The following TSHZ2 variants were observed in gnomAD, a reference collection of about 807,000 sequenced individuals.
TSHZ2 encodes the protein teashirt zinc finger homeobox 2.
Under a neutral mutation model 74.4 loss-of-function variants are expected in TSHZ2, and 21 were observed. The observed-to-expected ratio is 0.28, with a 90% CI of 0.20 to 0.41. The LOEUF (loss-of-function observed/expected upper bound fraction) is 0.41, where lower values mean the gene tolerates loss of function less well. Ranked by LOEUF, TSHZ2 falls within the 10% of genes least tolerant of loss-of-function variation. The pLI, the probability that TSHZ2 is intolerant of heterozygous loss-of-function variation, is 1.00. For synonymous variants in TSHZ2, 540 were observed against 515.3 expected (o/e 1.05, Z -0.65); for missense variants, 1,244 against 1,293.5 (o/e 0.96, Z 0.59).
At chr20:53,347,485 T>C (rs533694582) in intron 2 of TSHZ2, among the ~76,000 whole-genome samples, 1 of 152,038 alleles carries the variant, frequency 6.6e-6, no homozygotes, top group Non-Finnish European at 1.5e-5. Context: ...AGCAGACAAG[T>C]CCTTATCCAC....
chr20:53,008,308 G>C (rs1023220248), intron 1 of TSHZ2, among the ~76,000 whole-genome samples: 9 of 152,142 alleles, frequency 5.9e-5, no homozygotes, highest in African/African-American at 2.2e-4. Context: ...TTAAGCCTGT[G>C]GTTAATTCAT....
chr20:53,256,428 A>G lies in TSHZ2; in HGVS notation c.2970A>G (p.Thr990=). Residue 990 remains threonine (T), a synonymous_variant, in exon 2 of 3, where the codon ACA becomes ACG. Transcript: ENST00000371497. The surrounding 1 kb of genome is among the most constrained non-coding windows in gnomAD (Gnocchi z 4.3). Reference sequence around the variant, plus strand: ...AAACAATAGCTGCCGAAGAGGACACAGACTCTAAATTCAAGTGTAAGTTGT... The same window carrying G: ...AAACAATAGCTGCCGAAGAGGACACGGACTCTAAATTCAAGTGTAAGTTGT... The part of the protein sequence containing the change: ...SPETIAAEED[T]DSKFKCKLCC... The G allele has an allele frequency of 6.2e-7, 1 of 1,614,196 alleles. No homozygotes were observed. Among genetic ancestry groups the G allele is most frequent in the Non-Finnish European group, 8.5e-7 (1 of 1,179,990 alleles).
intron 2 of TSHZ2, among the ~76,000 whole-genome samples, chr20:53,452,599 A>G (rs1264055472): frequency 3.4e-5 from 1 of 29,676 alleles, no homozygotes; most frequent in Non-Finnish European, 5.8e-5. Context: ...ACTCTGTCTC[A>G]AAAAAAAAAA....
At chr20:53,486,725 GTACATGTGCAGTTTGT>G (rs1986298230) in intron 2 of TSHZ2, among the ~76,000 whole-genome samples, 1 of 152,168 alleles carries the variant, frequency 6.6e-6, no homozygotes, top group Non-Finnish European at 1.5e-5. Context: ...GATACAGAGG[GTACATGTGCAGTTTGT>G]TGCATGGGAA....
At chr20:53,164,565 A>G (rs1988023489) in intron 1 of TSHZ2, among the ~76,000 whole-genome samples, 1 of 152,224 alleles carries the variant, frequency 6.6e-6, no homozygotes, top group South Asian at 2.1e-4. Flanking sequence ...CACTAGTAGC[A>G]CTAGGCATCT....
intron 2 of TSHZ2, among the ~76,000 whole-genome samples, chr20:53,312,684 T>A (rs970147531): frequency 6.6e-6 from 1 of 152,168 alleles, no homozygotes; most frequent in South Asian, 2.1e-4. Flanking sequence ...TCCGAGTTCT[T>A]AATTAAGGGC....
intron 2 of TSHZ2, among the ~76,000 whole-genome samples, chr20:53,296,975 A>G (rs964133856): frequency 9.2e-5 from 14 of 152,342 alleles, no homozygotes; most frequent in African/African-American, 3.4e-4. Context: ...TTGATTTCCA[A>G]TCCATTTACC....
At chr20:53,037,238 A>G (rs1158975235) in intron 1 of TSHZ2, among the ~76,000 whole-genome samples, 2 of 152,186 alleles carry the variant, frequency 1.3e-5, no homozygotes, top group Non-Finnish European at 2.9e-5. Flanking sequence ...CAGGAAGCAG[A>G]GGCAGAAAGG....
chr20:53,093,232 A>G (rs1186969690), intron 1 of TSHZ2, among the ~76,000 whole-genome samples: 1 of 152,214 alleles, frequency 6.6e-6, no homozygotes, highest in Non-Finnish European at 1.5e-5. Flanking sequence ...TGATGAACAC[A>G]GACCTGACCC....
At chr20:53,210,367 A>C (rs187386818) in intron 1 of TSHZ2, among the ~76,000 whole-genome samples, 2 of 152,050 alleles carry the variant, frequency 1.3e-5, no homozygotes, top group East Asian at 1.9e-4. Context: ...AGGATGAATG[A>C]GGGATTTTAT....
At chr20:52,996,310 TA>T (rs1298558211) in intron 1 of TSHZ2, among the ~76,000 whole-genome samples, 5 of 58,642 alleles carry the variant, frequency 8.5e-5, no homozygotes, top group African/African-American at 1.5e-4. Context: ...TTCAGGTTTT[TA>T]TTTATTTATT....
intron 2 of TSHZ2, among the ~76,000 whole-genome samples, chr20:53,388,300 T>G (rs1035126864): frequency 1.3e-5 from 2 of 152,242 alleles, no homozygotes; most frequent in Non-Finnish European, 2.9e-5. Context: ...TCATTCAAAC[T>G]CACATTTCTT....
intron 1 of TSHZ2, among the ~76,000 whole-genome samples, chr20:53,161,130 CAAAAAAAAA>C (rs368626161): frequency 1.9e-4 from 13 of 67,972 alleles, no homozygotes; most frequent in Admixed American, 4.2e-4. Context: ...TTATTTTCAG[CAAAAAAAAA>C]AAAAAAAAAA....
chr20:53,304,169 C>T (rs1363729742), intron 2 of TSHZ2, among the ~76,000 whole-genome samples: 1 of 147,406 alleles, frequency 6.8e-6, no homozygotes. Flanking sequence ...AGGTATATCT[C>T]CTAAAGCTAA....
chr20:53,215,124 A>T (rs1326589500), intron 1 of TSHZ2, among the ~76,000 whole-genome samples: 3 of 152,142 alleles, frequency 2.0e-5, no homozygotes, highest in East Asian at 1.9e-4. Flanking sequence ...AGTTTTTTTT[A>T]AAGATTATCT....
Position 53,494,987 on chromosome 20 carries a change from C to T in TSHZ2, c.*7852C>T, listed in dbSNP as rs1986546688. ...CAATTATGATTTTGCTGGAGGCTGT[C>T]CCTCATTTTAATGCTGCAGCTATTG... On this transcript the variant is annotated 3_prime_UTR_variant, in exon 3 of 3. Coordinates refer to ENST00000371497, the MANE Select transcript of TSHZ2 (RefSeq NM_173485.6). 6.6e-6 allele frequency: 1 copy of T among 152,050 alleles called. No individual in the cohort carries two copies. Among genetic ancestry groups the T allele is most frequent in the Admixed American group, 6.6e-5 (1 of 15,256 alleles). 9.4% of individuals were successfully genotyped at this position (152,050 alleles called of 1,614,324 possible). A position where few individuals can be genotyped will look rare whatever the true frequency, so the allele number is the denominator to read the frequency against.
intron 2 of TSHZ2, among the ~76,000 whole-genome samples, chr20:53,378,441 C>T (rs544753356): frequency 1.1e-4 from 16 of 151,800 alleles, no homozygotes; most frequent in African/African-American, 3.9e-4. Flanking sequence ...TCAAAATCTC[C>T]CACACCTTAA....
intron 1 of TSHZ2, among the ~76,000 whole-genome samples, chr20:53,237,159 G>C (rs1989959994): frequency 6.6e-6 from 1 of 152,166 alleles, no homozygotes; most frequent in Non-Finnish European, 1.5e-5. Context: ...TAGCTATTAG[G>C]ATATTGTAGA....
chr20:53,437,274 A>C (rs929501077), intron 2 of TSHZ2, among the ~76,000 whole-genome samples: 1 of 152,194 alleles, frequency 6.6e-6, no homozygotes, highest in Admixed American at 6.5e-5. Flanking sequence ...GGAGTTCAAG[A>C]CCAGCCTGGC....
Sources: gnomAD v4.1 joint callset for allele counts (sites outside exome capture counted in the v4.1 genomes callset) on GRCh38, gnomAD v4.1.1 for gene constraint, Gnocchi (gnomAD v3.1) non-coding constraint, MANE v1.5 for transcripts, NCBI Gene and HGNC (gene_info 2026-07-23, HGNC 2026-07-21) for gene names.